DOK6: variants seen among roughly 807,000 people sequenced by gnomAD.
DOK6 encodes docking protein 6.
DOK6 carries 22 observed loss-of-function variants against 44.0 expected under a neutral mutation model. The ratio of observed to expected loss-of-function variants is 0.50; its 90% CI spans 0.36 to 0.71. The LOEUF (loss-of-function observed/expected upper bound fraction) is 0.71, where lower values mean the gene tolerates loss of function less well. DOK6 is among the 30% of genes least tolerant of loss of function. The pLI is 0.00. For synonymous variants in DOK6, 166 were observed against 145.5 expected, an observed-to-expected ratio of 1.14 and a Z score of -1.01; for missense variants, 340 against 416.4, an observed-to-expected ratio of 0.82 and a Z score of 1.60.
intron 2 of DOK6, among the ~76,000 whole-genome samples, chr18:69,595,732 A>G (rs1324830379): frequency 1.3e-5 from 2 of 152,158 alleles, no homozygotes; most frequent in East Asian, 3.9e-4. Flanking sequence ...ACAAAAGTTG[A>G]TGAGTTTATG....
At chr18:69,496,086 C>T (rs1179232990) in intron 1 of DOK6, among the ~76,000 whole-genome samples, 1 of 152,172 alleles carries the variant, frequency 6.6e-6, no homozygotes, top group Admixed American at 6.5e-5. Context: ...CCTGCCTGCT[C>T]TGTGGGCTAG....
Position 69,610,310 on chromosome 18 carries a change from T to C in DOK6, c.289+10812T>C, listed in dbSNP as rs376978833. Among the ~76,000 whole-genome samples, 4 of 152,326 alleles carry C rather than the reference T, an allele frequency of 2.6e-5. No individual in the cohort carries two copies. The East Asian group carries it at 7.7e-4, about 29-fold the overall frequency. ...GGTTTTCAAGAAAACTGTCTATTGCTATTAAATAAACATGCGTACCCTTGA... is the reference window on the plus strand; with the variant it reads ...GGTTTTCAAGAAAACTGTCTATTGCCATTAAATAAACATGCGTACCCTTGA... On this transcript the variant is annotated intron_variant, in intron 3 of 7. Coordinates refer to ENST00000382713, the MANE Select transcript of DOK6 (RefSeq NM_152721.6).
chr18:69,698,500 T>A lies in DOK6; in HGVS notation c.506T>A (p.Ile169Asn), dbSNP rs1285569060. 3 of 1,614,018 alleles carry A rather than the reference T, an allele frequency of 1.9e-6. No individual in the cohort carries two copies. The highest frequency in any genetic ancestry group is 2.5e-6 in the Non-Finnish European group (3 of 1,179,982). Residue 169 changes from isoleucine to asparagine, a missense_variant, in exon 5 of 8, where the codon ATC becomes AAC. By Grantham distance (149) the Ile-to-Asn change is moderately radical. Around this residue, in one of 3 missense-constraint regions of DOK6, gnomAD observed 206 missense variants for 258.6 expected, o/e 0.80. Transcript: ENST00000382713. ...CATGAAAATATCTATCTCTGGGATA[T>A]CCACAATGCCAAGGTCAAACTGGTG... Reference protein sequence around the residue: ...ITHENIYLWDIHNAKVKLVMW... With the variant: ...ITHENIYLWDNHNAKVKLVMW...
intron 4 of DOK6, among the ~76,000 whole-genome samples, chr18:69,680,665 A>G (rs1456292970): frequency 6.6e-6 from 1 of 152,174 alleles, no homozygotes; most frequent in Non-Finnish European, 1.5e-5. Context: ...CAGTGTTCTC[A>G]CTTTCTATTC....
chr18:69,740,450 T>TCA (rs1246963786), intron 6 of DOK6, among the ~76,000 whole-genome samples: 3 of 152,242 alleles, frequency 2.0e-5, no homozygotes, highest in Non-Finnish European at 4.4e-5. Flanking sequence ...AACCATGATG[T>TCA]CACTTGCTAT....
chr18:69,647,072 CCATCT>C (rs1985097945), intron 3 of DOK6, among the ~76,000 whole-genome samples: 1 of 120,236 alleles, frequency 8.3e-6, no homozygotes, highest in East Asian at 2.2e-4. Context: ...TCTGTCTATC[CCATCT>C]GTCTATCCTA....
At chr18:69,825,777 G>A (rs368130793) in intron 7 of DOK6, among the ~76,000 whole-genome samples, 4 of 151,836 alleles carry the variant, frequency 2.6e-5, no homozygotes, top group South Asian at 2.1e-4. Context: ...AAAGTAAAAC[G>A]TAAAGAGATA....
intron 3 of DOK6, among the ~76,000 whole-genome samples, chr18:69,669,961 A>G (rs999796599): frequency 1.3e-5 from 2 of 152,216 alleles, no homozygotes; most frequent in African/African-American, 4.8e-5. Flanking sequence ...ACAAATTGCC[A>G]CACACAGTAG....
intron 1 of DOK6, among the ~76,000 whole-genome samples, chr18:69,543,550 G>T (rs1007417916): frequency 6.6e-6 from 1 of 151,406 alleles, no homozygotes; most frequent in Non-Finnish European, 1.5e-5. Context: ...TGTTTTCCTT[G>T]GTGGTGTAAG....
intron 7 of DOK6, among the ~76,000 whole-genome samples, chr18:69,762,718 G>A (rs915036255): frequency 6.6e-6 from 1 of 152,154 alleles, no homozygotes; most frequent in East Asian, 1.9e-4. Context: ...AATGCATGGC[G>A]TGGTAACAAA....
intron 7 of DOK6, among the ~76,000 whole-genome samples, chr18:69,805,401 G>A (rs190276200): frequency 1.3e-3 from 201 of 152,222 alleles, no homozygotes; most frequent in Middle Eastern, 6.8e-3. Flanking sequence ...AGTGAGTAAT[G>A]AGAAATAATG....
Position 69,545,529 on chromosome 18 carries a change from A to AG in DOK6, c.67-18958_67-18957insG, listed in dbSNP as rs1163774988. Among the ~76,000 whole-genome samples, 57 of 150,598 alleles carry AG rather than the reference A, an allele frequency of 3.8e-4. 1 individual carries two copies. The highest frequency in any genetic ancestry group is 1.3e-3 in the African/African-American group (53 of 41,310). ...TCAGTGAAATACCAAAAAAAAAAAA[A>AG]AAAAGAAAAGAAAAAACACTTGACC... On this transcript the variant is annotated intron_variant, in intron 1 of 7. Transcript: ENST00000382713.
intron 7 of DOK6, among the ~76,000 whole-genome samples, chr18:69,833,030 C>T (rs1981946238): frequency 1.3e-5 from 2 of 152,040 alleles, no homozygotes; most frequent in Non-Finnish European, 2.9e-5. Context: ...ATCAAAATAC[C>T]AATAACATTC....
chr18:69,587,057 GTCTT>G (rs1983519814), intron 2 of DOK6, among the ~76,000 whole-genome samples: 1 of 152,150 alleles, frequency 6.6e-6, no homozygotes. Flanking sequence ...TTTCGTGGTT[GTCTT>G]TCTATTTTAC....
intron 2 of DOK6, among the ~76,000 whole-genome samples, chr18:69,587,480 C>T (rs1983529802): frequency 6.6e-6 from 1 of 152,098 alleles, no homozygotes; most frequent in African/African-American, 2.4e-5. Context: ...TCTCAAGGTC[C>T]TCAATTACAT....
At chr18:69,830,098 G>A (rs893912033) in intron 7 of DOK6, among the ~76,000 whole-genome samples, 2 of 151,928 alleles carry the variant, frequency 1.3e-5, no homozygotes, top group African/African-American at 4.8e-5. Flanking sequence ...CAGAAAAAAG[G>A]CCAAGAAAAT....
At chr18:69,686,779 TA>T (rs1324609884) in intron 4 of DOK6, among the ~76,000 whole-genome samples, 9 of 152,160 alleles carry the variant, frequency 5.9e-5, no homozygotes, top group African/African-American at 2.2e-4. Flanking sequence ...CTGAATAAAT[TA>T]TTTTTATTTA....
chr18:69,569,727 T>G (rs1017210060), intron 2 of DOK6, among the ~76,000 whole-genome samples: 3 of 152,192 alleles, frequency 2.0e-5, no homozygotes, highest in African/African-American at 7.2e-5. Context: ...TTAGAAATCC[T>G]AATATAACTC....
chr18:69,576,476 G>A (rs145235491), intron 2 of DOK6, among the ~76,000 whole-genome samples: 1,615 of 152,152 alleles, frequency 0.011, 27 homozygotes, highest in African/African-American at 0.037. Context: ...GAAAAAATAA[G>A]CCAAGGATAC....
Sources: gnomAD v4.1 joint callset for allele counts (sites outside exome capture counted in the v4.1 genomes callset) on GRCh38, gnomAD v4.1.1 for gene constraint, gnomAD v4.1.1 regional missense constraint, MANE v1.5 for transcripts, NCBI Gene and HGNC (gene_info 2026-07-23, HGNC 2026-07-21) for gene names.